The following PDZRN4 variants were observed in gnomAD, a reference collection of about 807,000 sequenced individuals.
PDZRN4 encodes PDZ domain-containing RING finger protein 4.
A neutral mutation model predicts 99.0 loss-of-function variants in PDZRN4; 70 were observed. The ratio of observed to expected loss-of-function variants is 0.71; its 90% CI spans 0.58 to 0.86. PDZRN4 has a LOEUF of 0.86. Among genes scored for constraint, PDZRN4 ranks in the 40% least tolerant of loss-of-function variants. The pLI is 0.00. For synonymous variants in PDZRN4, 551 were observed against 501.6 expected, an observed-to-expected ratio of 1.10 and a Z score of -1.32; for missense variants, 1,474 against 1,331.2, an observed-to-expected ratio of 1.11 and a Z score of -1.67.
chr12:41,240,614 T>G (rs1490532448), intron 3 of PDZRN4, among the ~76,000 whole-genome samples: 1 of 152,208 alleles, frequency 6.6e-6, no homozygotes, highest in Non-Finnish European at 1.5e-5. Context: ...AGGTGGCTTA[T>G]AAACAATAGA....
chr12:41,290,729 T>C (rs1951452061), intron 3 of PDZRN4, among the ~76,000 whole-genome samples: 1 of 152,046 alleles, frequency 6.6e-6, no homozygotes, highest in Non-Finnish European at 1.5e-5. Context: ...CTCAGAAAAA[T>C]AGGTATTCAA....
intron 3 of PDZRN4, among the ~76,000 whole-genome samples, chr12:41,392,491 G>C (rs1245826043): frequency 1.3e-5 from 2 of 152,082 alleles, no homozygotes; most frequent in African/African-American, 4.8e-5. Flanking sequence ...GTTCACAACT[G>C]CTGATTGCAA....
chr12:41,427,315 A>G (rs1277427641), intron 3 of PDZRN4, among the ~76,000 whole-genome samples: 2 of 152,218 alleles, frequency 1.3e-5, no homozygotes, highest in Admixed American at 6.5e-5. Flanking sequence ...TGGCAAGGCT[A>G]TATTATAAGC....
chr12:41,543,964 T>G (rs1938904475), intron 5 of PDZRN4, among the ~76,000 whole-genome samples: 1 of 152,196 alleles, frequency 6.6e-6, no homozygotes, highest in Non-Finnish European at 1.5e-5. Context: ...GGTGTAATTC[T>G]GCAAAATAAA....
intron 5 of PDZRN4, among the ~76,000 whole-genome samples, chr12:41,529,919 C>A (rs1267344098): frequency 1.3e-5 from 2 of 152,272 alleles, no homozygotes; most frequent in East Asian, 3.9e-4. Flanking sequence ...CCACTTCTGA[C>A]TGGTTCAGAC....
At chr12:41,410,360 C>T (rs1021303560) in intron 3 of PDZRN4, among the ~76,000 whole-genome samples, 9 of 152,098 alleles carry the variant, frequency 5.9e-5, no homozygotes, top group African/African-American at 9.7e-5. Context: ...CATACGTACA[C>T]GTAAAATAAT....
At chr12:41,470,940 C>A (rs1267230707) in intron 3 of PDZRN4, among the ~76,000 whole-genome samples, 1 of 152,154 alleles carries the variant, frequency 6.6e-6, no homozygotes, top group African/African-American at 2.4e-5. Context: ...CAATAAACAG[C>A]CTAGAAGTTC....
At chr12:41,421,797 C>T (rs1362910605) in intron 3 of PDZRN4, among the ~76,000 whole-genome samples, 1 of 152,078 alleles carries the variant, frequency 6.6e-6, no homozygotes, top group African/African-American at 2.4e-5. Flanking sequence ...CTAAATATAT[C>T]CCATCTTATT....
intron 3 of PDZRN4, among the ~76,000 whole-genome samples, chr12:41,271,215 T>C (rs957201674): frequency 7.3e-6 from 1 of 137,138 alleles, no homozygotes; most frequent in African/African-American, 2.5e-5. Context: ...AATCCACTCC[T>C]CCAACACAAA....
chr12:41,211,555 TAAAC>T, intron 3 of PDZRN4, among the ~76,000 whole-genome samples: 1 of 152,076 alleles, frequency 6.6e-6, no homozygotes, highest in East Asian at 1.9e-4. Flanking sequence ...GTTAGTCACT[TAAAC>T]AGAGAGATAT....
In PDZRN4 at chr12:41,261,730, C is replaced by G. The variant is rs1337809384; in HGVS notation, c.843+67542C>G. ...GGTCTCGATCTCCTGACCTCGTGATCCCCCCTCCTCGGCCTCCCAAAATGC... is the reference window on the plus strand; with the variant it reads ...GGTCTCGATCTCCTGACCTCGTGATGCCCCCTCCTCGGCCTCCCAAAATGC... On this transcript the variant is annotated intron_variant, in intron 3 of 9. Transcript: ENST00000402685. Among the ~76,000 whole-genome samples, 9 of 152,264 alleles carry G rather than the reference C, an allele frequency of 5.9e-5. No individual in the cohort carries two copies. In the East Asian group the frequency reaches 1.7e-3, roughly 29 times the overall value.
chr12:41,255,849 C>T (rs1411168733), intron 3 of PDZRN4, among the ~76,000 whole-genome samples: 1 of 152,104 alleles, frequency 6.6e-6, no homozygotes, highest in Non-Finnish European at 1.5e-5. Context: ...GAGCCAAGCT[C>T]CTTTGAACAA....
intron 3 of PDZRN4, chr12:41,460,110 A>G: frequency 7.9e-7 from 1 of 1,271,352 alleles, no homozygotes; most frequent in Non-Finnish European, 1.0e-6. Context: ...TCAGGGGATC[A>G]TAAACATAGC....
At chr12:41,497,272 C>A (rs144129002) in intron 3 of PDZRN4, among the ~76,000 whole-genome samples, 1 of 152,074 alleles carries the variant, frequency 6.6e-6, no homozygotes, top group Non-Finnish European at 1.5e-5. Flanking sequence ...TTTAAGAAAC[C>A]TGAGTTGTTT....
At chr12:41,195,558 T>C (rs941839054) in intron 3 of PDZRN4, among the ~76,000 whole-genome samples, 1 of 152,130 alleles carries the variant, frequency 6.6e-6, no homozygotes, top group African/African-American at 2.4e-5. Context: ...CATTTATAAA[T>C]TAGCCGACTA....
chr12:41,429,803 T>TTTTTTTTTTTTTTTTTTTTTTTG (rs1952570408), intron 3 of PDZRN4, among the ~76,000 whole-genome samples: 1 of 151,416 alleles, frequency 6.6e-6, no homozygotes, highest in African/African-American at 2.5e-5. Context: ...TCTTATTTTT[T>TTTTTTTTTTTTTTTTTTTTTTTG]AAAATGTCTA....
intron 3 of PDZRN4, among the ~76,000 whole-genome samples, chr12:41,272,545 C>G (rs1951321535): frequency 6.6e-6 from 1 of 151,852 alleles, no homozygotes; most frequent in African/African-American, 2.4e-5. Flanking sequence ...ATTTAATTGC[C>G]TCAATAAATA....
chr12:41,207,953 C>CA (rs11463346), intron 3 of PDZRN4, among the ~76,000 whole-genome samples: 57,867 of 147,124 alleles, frequency 0.39, 12,863 homozygotes, highest in East Asian at 0.55. Flanking sequence ...TTACAGTTTA[C>CA]AAAAAAAAAA....
Position 41,300,990 on chromosome 12 carries a change from AC to A in PDZRN4, c.843+106803del, listed in dbSNP as rs145894220. 3.7e-4 allele frequency among the ~76,000 whole-genome samples: 56 copies of A among 152,162 alleles called. No homozygotes were observed. The East Asian group carries it at 0.011, about 29-fold the overall frequency. ...AAGGGGTTGTTGTTATTTTTAAAGTACTGGATTATCTATAAGGGGAATTTCT... is the reference window on the plus strand; with the variant it reads ...AAGGGGTTGTTGTTATTTTTAAAGTATGGATTATCTATAAGGGGAATTTCT... On this transcript the variant is annotated intron_variant, in intron 3 of 9. Coordinates refer to ENST00000402685, the MANE Select transcript of PDZRN4 (RefSeq NM_001164595.2).
Sources: allele counts gnomAD v4.1 joint callset (sites outside exome capture counted in the v4.1 genomes callset), GRCh38; gene constraint gnomAD v4.1.1; transcripts MANE v1.5; gene names NCBI Gene and HGNC (gene_info 2026-07-23, HGNC 2026-07-21).